The following NAV3 variants were observed in gnomAD, a reference collection of about 807,000 sequenced individuals.
NAV3 encodes pore membrane and/or filament interacting like protein 1.
In NAV3, 87 loss-of-function variants were observed where a neutral mutation model predicts 244.7. The ratio of observed to expected loss-of-function variants is 0.36; its 90% confidence interval spans 0.30 to 0.42. The LOEUF is 0.42. NAV3 is among the 20% of genes least tolerant of loss of function. NAV3 has a pLI of 1.00. For synonymous variants in NAV3, 1,126 were observed against 1,042.2 expected (o/e 1.08, Z -1.55); for missense variants, 2,663 against 2,893.3 (o/e 0.92, Z 1.83).
At chr12:77,873,752 ATATATATATATATATGTATAT>A (rs1881406243) in intron 1 of NAV3, among the ~76,000 whole-genome samples, 2 of 101,368 alleles carry the variant, frequency 2.0e-5, no homozygotes, top group African/African-American at 3.2e-5. Flanking sequence ...GTGTATATAT[ATATATATATATATATGTATAT>A]AACAGCATAT....
intron 1 of NAV3, among the ~76,000 whole-genome samples, chr12:77,865,252 C>T (rs950516581): frequency 6.6e-6 from 1 of 151,972 alleles, no homozygotes; most frequent in Non-Finnish European, 1.5e-5. Context: ...TATTATTATA[C>T]TTTTATTTTA....
At chr12:77,834,490 TC>T (rs1486362032) in intron 1 of NAV3, among the ~76,000 whole-genome samples, 3 of 152,252 alleles carry the variant, frequency 2.0e-5, no homozygotes, top group Admixed American at 6.5e-5. Context: ...GCCATAAAAT[TC>T]CATTCTAATC....
At chr12:78,065,277 C>T (rs1331533845) in intron 12 of NAV3, among the ~76,000 whole-genome samples, 1 of 152,124 alleles carries the variant, frequency 6.6e-6, no homozygotes, top group Non-Finnish European at 1.5e-5. Flanking sequence ...CAGCACAAAT[C>T]TAAAGTCAGC....
At chr12:77,947,194 T>C (rs1011461942) in intron 3 of NAV3, among the ~76,000 whole-genome samples, 4 of 152,084 alleles carry the variant, frequency 2.6e-5, no homozygotes, top group Non-Finnish European at 5.9e-5. Context: ...CCATGTCCGA[T>C]AGGGTTATGG....
At chr12:77,756,955 A>G (rs1039669037) in intron 2 of NAV3, among the ~76,000 whole-genome samples, 8 of 152,204 alleles carry the variant, frequency 5.3e-5, no homozygotes, top group Non-Finnish European at 1.2e-4. Flanking sequence ...TACTCCCATA[A>G]GAAGAAAACC....
intron 1 of NAV3, among the ~76,000 whole-genome samples, chr12:77,838,314 TA>T (rs2136140591): frequency 6.6e-6 from 1 of 152,342 alleles, no homozygotes; most frequent in African/African-American, 2.4e-5. Context: ...ATTGTACATT[TA>T]TTGCTCTTGA....
chr12:78,118,247 G>A lies in NAV3; in HGVS notation c.2990G>A (p.Gly997Glu), dbSNP rs765943512. 6.2e-7 allele frequency: 1 copy of A among 1,613,238 alleles called. No individual in the cohort carries two copies. The highest frequency in any genetic ancestry group is 1.3e-5 in the African/African-American group (1 of 74,998). ...GSWRRGMSAQ[G>E]GAPSRQKAGT... is the part of the protein sequence containing the mutation. ...TGGAGAAGAGGCATGTCTGCCCAAG[G>A]AGGGGCGCCATCTAGGCAGAAAGCT... Residue 997 changes from glycine to glutamate, a missense_variant, in exon 14 of 40, where the codon GGA (glycine) becomes GAA (glutamate). This residue lies in a region of NAV3 where 1,521 missense variants were observed against 1,497.0 expected (regional missense o/e 1.02). Coordinates refer to ENST00000397909, the MANE Select transcript of NAV3 (RefSeq NM_001024383.2).
At chr12:78,140,406 T>C in intron 20 of NAV3, 72 bp downstream of exon 20, 3 of 1,251,900 alleles carry the variant, frequency 2.4e-6, no homozygotes, top group Non-Finnish European at 1.2e-6. Flanking sequence ...ATCATTTTAC[T>C]GTGAACAGAT....
chr12:78,129,650 TAA>T (rs1050417212), intron 18 of NAV3, among the ~76,000 whole-genome samples: 5 of 152,146 alleles, frequency 3.3e-5, no homozygotes, highest in African/African-American at 1.2e-4. Context: ...TTATTTTCTA[TAA>T]AGTCACATAT....
Position 78,188,346 on chromosome 12 carries a change from A to G in NAV3, c.5886+3A>G. The G allele has an allele frequency of 6.2e-7, 1 of 1,605,060 alleles. No individual in the cohort carries two copies. The highest frequency in any genetic ancestry group is 8.5e-7 in the Non-Finnish European group (1 of 1,173,566). ...GTGTAATAAGACGTCTCTTTAAGGT[A>G]TGTTGTGCAAGACACCCTAATAGTA... is the stretch of plus-strand genomic sequence containing the variant. On this transcript the variant is annotated splice_donor_region_variant and intron_variant, in intron 32 of 39. Transcript: ENST00000397909.
chr12:78,202,087 A>G (rs1258159730), intron 38 of NAV3, among the ~76,000 whole-genome samples: 3 of 151,882 alleles, frequency 2.0e-5, no homozygotes, highest in African/African-American at 7.3e-5. Flanking sequence ...GTATGAGCCA[A>G]TCTACCCCAA....
At chr12:78,197,446 T>C (rs372026137) in intron 35 of NAV3, 45 bp downstream of exon 35, 4 of 1,458,196 alleles carry the variant, frequency 2.7e-6, no homozygotes, top group Non-Finnish European at 3.7e-6. Flanking sequence ...GAAATAATTA[T>C]CATCAAATTT....
At chr12:78,206,714 C>G (rs1960350603) in intron 39 of NAV3, among the ~76,000 whole-genome samples, 1 of 152,010 alleles carries the variant, frequency 6.6e-6, no homozygotes, top group Non-Finnish European at 1.5e-5. Flanking sequence ...ACCTGCTGCT[C>G]TATTAAACAT....
rs762341178 is a variant in NAV3 at position 77,966,301 on chromosome 12, G to A, written c.487G>A (p.Glu163Lys). ...GVNVQGLSAEEIRNGNLKAIL... is the reference protein window; with the variant it reads ...GVNVQGLSAEKIRNGNLKAIL... ...AAATGTTCAAGGTCTATCTGCTGAA[G>A]GTAAGAAAAAGAATGACTGAATTGT... Residue 163 changes from glutamate (E) to lysine (K), a missense_variant and splice_region_variant, in exon 4 of 40, where the codon GAA becomes AAA. Around this residue, in one of 6 missense-constraint regions of NAV3, gnomAD observed 1,521 missense variants for 1,497.0 expected, o/e 1.02. Coordinates refer to ENST00000397909, the MANE Select transcript of NAV3 (RefSeq NM_001024383.2). 6.2e-7 allele frequency: 1 copy of A among 1,610,012 alleles called. No homozygotes were observed. Among genetic ancestry groups the A allele is most frequent in the South Asian group, 1.1e-5 (1 of 90,102 alleles).
intron 5 of NAV3, among the ~76,000 whole-genome samples, chr12:77,984,974 G>A (rs904204859): frequency 7.2e-5 from 11 of 152,024 alleles, no homozygotes; most frequent in Admixed American, 2.0e-4. Context: ...ATGCCACCAC[G>A]TTCAGCTAAT....
intron 2 of NAV3, among the ~76,000 whole-genome samples, chr12:77,745,015 A>G (rs1265955950): frequency 1.3e-5 from 2 of 152,010 alleles, no homozygotes; most frequent in Non-Finnish European, 1.5e-5. Flanking sequence ...AGGGTAAGCC[A>G]TCACCTTATC....
Position 78,122,041 on chromosome 12 carries a change from G to A in NAV3, c.3851G>A (p.Arg1284Gln), listed in dbSNP as rs1450212611. 8 of 1,614,048 alleles carry A rather than the reference G, an allele frequency of 5.0e-6. No homozygotes were observed. Among genetic ancestry groups the A allele is most frequent in the Non-Finnish European group, 4.2e-6 (5 of 1,180,040 alleles). ...CCCAGCCCTAGTACCACATTAGCGC[G>A]GCAAGGCAGTCTGGAGTCACCGTCG... Reference protein sequence around the residue: ...VMPSPSTTLARQGSLESPSSG... With the variant: ...VMPSPSTTLAQQGSLESPSSG... Residue 1284 changes from arginine (R) to glutamine (Q), a missense_variant, in exon 16 of 40, where the codon CGG becomes CAG. Physicochemically the swap from Arg to Gln is conservative, Grantham distance 43. Coordinates refer to ENST00000397909, the MANE Select transcript of NAV3 (RefSeq NM_001024383.2).
chr12:77,924,319 T>G (rs1255192465), intron 1 of NAV3, among the ~76,000 whole-genome samples: 3 of 152,316 alleles, frequency 2.0e-5, no homozygotes, highest in Non-Finnish European at 4.4e-5. Flanking sequence ...ACTTTAGCTC[T>G]TATTACATTG....
At chr12:77,754,877 T>C (rs1869051333) in intron 2 of NAV3, among the ~76,000 whole-genome samples, 1 of 152,136 alleles carries the variant, frequency 6.6e-6, no homozygotes, top group Non-Finnish European at 1.5e-5. Flanking sequence ...GCTCCAGTTT[T>C]ATACTAAAAC....
Sources: allele counts gnomAD v4.1 joint callset (sites outside exome capture counted in the v4.1 genomes callset), GRCh38; gene constraint gnomAD v4.1.1; regional missense constraint gnomAD v4.1.1; transcripts MANE v1.5; gene names NCBI Gene and HGNC (gene_info 2026-07-23, HGNC 2026-07-21).